Variants in ADGRB3 observed in about 807,000 individuals in gnomAD.
The protein encoded by ADGRB3 is brain-specific angiogenesis inhibitor 3.
Under a neutral mutation model 193.4 loss-of-function variants are expected in ADGRB3, and 37 were observed. That is an observed-to-expected ratio of 0.19 (90% CI 0.15 to 0.25). ADGRB3 has a LOEUF of 0.25. Among genes scored for constraint, ADGRB3 ranks in the 10% least tolerant of loss-of-function variants. The pLI, the probability that ADGRB3 is intolerant of heterozygous loss-of-function variation, is 1.00. For synonymous variants in ADGRB3, 690 were observed against 644.2 expected, an observed-to-expected ratio of 1.07 and a Z score of -1.08; for missense variants, 1,637 against 1,852.9, an observed-to-expected ratio of 0.88 and a Z score of 2.14.
At chr6:68,785,021 C>A (rs1420872172) in intron 3 of ADGRB3, among the ~76,000 whole-genome samples, 2 of 151,910 alleles carry the variant, frequency 1.3e-5, no homozygotes, top group African/African-American at 4.8e-5. Flanking sequence ...TGGATAATAA[C>A]CATATGAGAA....
intron 17 of ADGRB3, among the ~76,000 whole-genome samples, chr6:69,130,448 A>C (rs888406759): frequency 2.0e-5 from 3 of 151,018 alleles, no homozygotes; most frequent in African/African-American, 7.3e-5. Flanking sequence ...CCCCCATGCA[A>C]TTATCCCTCA....
chr6:68,791,615 T>C (rs1438173577), intron 3 of ADGRB3, among the ~76,000 whole-genome samples: 4 of 152,126 alleles, frequency 2.6e-5, no homozygotes, highest in Non-Finnish European at 4.4e-5. Flanking sequence ...CTTTCAATGG[T>C]TTGCTGACTT....
chr6:68,749,545 A>G (rs1047505338), intron 3 of ADGRB3, among the ~76,000 whole-genome samples: 1 of 152,140 alleles, frequency 6.6e-6, no homozygotes, highest in Middle Eastern at 3.4e-3. Context: ...CTAATGTTGA[A>G]TAAAAATGGT....
At chr6:68,869,834 A>G (rs1022724583) in intron 3 of ADGRB3, among the ~76,000 whole-genome samples, 20 of 152,322 alleles carry the variant, frequency 1.3e-4, no homozygotes, top group African/African-American at 4.6e-4. Flanking sequence ...GCTGGAGTGC[A>G]GTGGCACAAT....
chr6:69,239,003 G>A, intron 19 of ADGRB3, 121 bp from the exon 20 acceptor site: 1 of 483,004 alleles, frequency 2.1e-6, no homozygotes, highest in African/African-American at 2.0e-5. Context: ...TTTTATTTTT[G>A]TAAATATTCC....
intron 17 of ADGRB3, among the ~76,000 whole-genome samples, chr6:69,223,159 A>G (rs995903846): frequency 2.0e-5 from 3 of 152,184 alleles, no homozygotes; most frequent in Non-Finnish European, 4.4e-5. Flanking sequence ...TTATAAGAAT[A>G]TCGTTTCACT....
intron 17 of ADGRB3, among the ~76,000 whole-genome samples, chr6:69,221,798 G>C (rs1229982055): frequency 6.6e-6 from 1 of 152,088 alleles, no homozygotes; most frequent in African/African-American, 2.4e-5. Flanking sequence ...GGTAATGGTA[G>C]TGTTTAGAAG....
chr6:69,076,716 A>C (rs1032566134), intron 17 of ADGRB3, among the ~76,000 whole-genome samples: 4 of 152,016 alleles, frequency 2.6e-5, no homozygotes, highest in African/African-American at 9.7e-5. Context: ...TTAGACTCCT[A>C]TACTTTAAAT....
intron 20 of ADGRB3, among the ~76,000 whole-genome samples, chr6:69,293,917 A>AT (rs1056066636): frequency 1.3e-5 from 2 of 151,880 alleles, no homozygotes; most frequent in Non-Finnish European, 2.9e-5. Context: ...ACAGAGTAGG[A>AT]TTTTTTAAAA....
chr6:68,784,997 G>A (rs1297039922), intron 3 of ADGRB3, among the ~76,000 whole-genome samples: 1 of 151,964 alleles, frequency 6.6e-6, no homozygotes, highest in Non-Finnish European at 1.5e-5. Flanking sequence ...ACAAGTAATG[G>A]CTGAATTTAA....
At chr6:68,962,821 C>T (rs1768272652) in intron 8 of ADGRB3, among the ~76,000 whole-genome samples, 1 of 152,218 alleles carries the variant, frequency 6.6e-6, no homozygotes, top group South Asian at 2.1e-4. Flanking sequence ...ATTTTTCTCA[C>T]CTTGTGTATC....
At chr6:68,744,066 T>G (rs950905019) in intron 3 of ADGRB3, among the ~76,000 whole-genome samples, 5 of 152,084 alleles carry the variant, frequency 3.3e-5, no homozygotes, top group South Asian at 4.1e-4. Flanking sequence ...GGTAAAAGGT[T>G]TGTACATGAG....
intron 3 of ADGRB3, among the ~76,000 whole-genome samples, chr6:68,897,506 A>AAGGAAGGAAGGGAGGGAGGGAGGAAAG (rs1766258324): frequency 3.4e-5 from 1 of 28,994 alleles, no homozygotes; most frequent in Non-Finnish European, 6.4e-5. Context: ...AGGGAAGAGG[A>AAGGAAGGAAGGGAGGGAGGGAGGAAAG]AGGAAGGAAG....
At chr6:69,169,083 G>GA (rs1775204597) in intron 17 of ADGRB3, among the ~76,000 whole-genome samples, 1 of 151,782 alleles carries the variant, frequency 6.6e-6, no homozygotes, top group African/African-American at 2.4e-5. Flanking sequence ...GTTTATGTAG[G>GA]AAAAAAAGAT....
chr6:69,235,943 T>A (rs886274390), intron 19 of ADGRB3, among the ~76,000 whole-genome samples: 1 of 151,894 alleles, frequency 6.6e-6, no homozygotes, highest in Non-Finnish European at 1.5e-5. Flanking sequence ...TATATCCACT[T>A]TTATTATTGA....
intron 17 of ADGRB3, among the ~76,000 whole-genome samples, chr6:69,115,010 G>A (rs558575241): frequency 4.5e-4 from 68 of 152,304 alleles, no homozygotes; most frequent in Middle Eastern, 3.4e-3. Context: ...GTGTAAATTC[G>A]TTCAACCATT....
chr6:69,333,273 T>C (rs1398899165), intron 24 of ADGRB3, among the ~76,000 whole-genome samples: 2 of 152,176 alleles, frequency 1.3e-5, no homozygotes, highest in Non-Finnish European at 2.9e-5. Context: ...ACGTTAAACA[T>C]TAAGGCTTTA....
intron 17 of ADGRB3, among the ~76,000 whole-genome samples, chr6:69,140,289 A>G (rs1470990301): frequency 6.6e-6 from 1 of 152,252 alleles, no homozygotes; most frequent in Non-Finnish European, 1.5e-5. Flanking sequence ...AGAGCACAGG[A>G]AAGAACAAAC....
chr6:69,293,603 TAA>T (rs936236878), intron 20 of ADGRB3, among the ~76,000 whole-genome samples: 2 of 152,200 alleles, frequency 1.3e-5, no homozygotes, highest in Non-Finnish European at 2.9e-5. Flanking sequence ...TTTCGTTCTC[TAA>T]AGAGTCTTGA....
Sources: allele counts gnomAD v4.1 joint callset (sites outside exome capture counted in the v4.1 genomes callset), GRCh38; gene constraint gnomAD v4.1.1; transcripts MANE v1.5; gene names NCBI Gene and HGNC (gene_info 2026-07-23, HGNC 2026-07-21).